AP1B1: variants seen among roughly 807,000 people sequenced by gnomAD.
AP1B1 encodes AP-1 complex subunit beta-1.
AP1B1 carries 36 observed loss-of-function variants against 104.3 expected under a neutral mutation model. The observed-to-expected ratio is 0.35, with a 90% CI of 0.26 to 0.46. The LOEUF is 0.46. AP1B1 is among the 20% of genes least tolerant of loss of function. The probability of loss-of-function intolerance (pLI) is 1.00; values close to 1 mark genes in which losing one functional copy is unlikely to be tolerated. For missense variants in AP1B1, 901 were observed against 1,247.9 expected (o/e 0.72, Z 4.19); for synonymous variants, 504 against 517.5 (o/e 0.97, Z 0.35).
chr22:29,375,905 A>T (rs745325287), intron 1 of AP1B1, among the ~76,000 whole-genome samples: 9 of 152,110 alleles, frequency 5.9e-5, no homozygotes, highest in Non-Finnish European at 7.4e-5. Flanking sequence ...CATCCTCACC[A>T]CGGCCCTTCA....
chr22:29,341,237 T>C (rs900737189), intron 13 of AP1B1, among the ~76,000 whole-genome samples: 2 of 152,240 alleles, frequency 1.3e-5, no homozygotes, highest in African/African-American at 4.8e-5. Flanking sequence ...CTGCTAGCTG[T>C]GAGATCCTGG....
Position 29,354,699 on chromosome 22 carries a change from C to G in AP1B1, c.889G>C (p.Glu297Gln). 2 of 1,614,098 alleles carry G rather than the reference C, an allele frequency of 1.2e-6. No homozygotes were observed. The highest frequency in any genetic ancestry group is 1.7e-6 in the Non-Finnish European group (2 of 1,180,038). Reference protein sequence around the residue: ...PLVTLLSAEPELQYVALRNIN... With the variant: ...PLVTLLSAEPQLQYVALRNIN... The stretch of plus-strand genomic sequence containing the variant: ...TTGCGCAGGGCCACATACTGCAGCT[C>G]TGGCTCGGCTGACAGCAGTGTGACC... Residue 297 changes from glutamate to glutamine, a missense_variant, in exon 7 of 23, where the codon GAG becomes CAG. This residue lies in a region of AP1B1 where 471 missense variants were observed against 696.7 expected (regional missense o/e 0.68). Coordinates refer to ENST00000357586, the MANE Select transcript of AP1B1 (RefSeq NM_001127.4).
intron 1 of AP1B1, among the ~76,000 whole-genome samples, chr22:29,385,607 C>T (rs1428245151): frequency 6.6e-6 from 1 of 152,144 alleles, no homozygotes; most frequent in Non-Finnish European, 1.5e-5. Context: ...TTAAGGATTC[C>T]CCAACTGCTC....
At chr22:29,375,869 C>T (rs2062332351) in intron 1 of AP1B1, among the ~76,000 whole-genome samples, 1 of 152,226 alleles carries the variant, frequency 6.6e-6, no homozygotes, top group South Asian at 2.1e-4. Flanking sequence ...TAGAGCCTGG[C>T]TCATTTCACT....
chr22:29,353,064 G>C (rs1304137425), intron 7 of AP1B1, among the ~76,000 whole-genome samples: 1 of 152,158 alleles, frequency 6.6e-6, no homozygotes, highest in African/African-American at 2.4e-5. Flanking sequence ...CTTCAGAGAG[G>C]GTGAGAGGCT....
At position 29,358,759 on chromosome 22, in the gene AP1B1, G is replaced by A; in HGVS notation, c.492C>T (p.Thr164=). ...QLVEDQGFLD[T]LKDLISDSNP... ...TAGAGTCGGAGATGAGGTCTTTAAG[G>A]GTGTCCAGGAAGCCCTGGTCCTCCA... Residue 164 remains threonine, a synonymous_variant, in exon 5 of 23, where the codon ACC becomes ACT. Transcript: ENST00000357586. The A allele has an allele frequency of 6.2e-7, 1 of 1,614,194 alleles. No homozygotes were observed. The highest frequency in any genetic ancestry group is 1.7e-5 in the Admixed American group (1 of 60,026).
At chr22:29,357,647 T>C (rs111665624) in intron 5 of AP1B1, among the ~76,000 whole-genome samples, 11 of 151,594 alleles carry the variant, frequency 7.3e-5, no homozygotes, top group Admixed American at 2.6e-4. Flanking sequence ...ATTACAGGCA[T>C]GTAATCCTGT....
At position 29,331,503 on chromosome 22, in the gene AP1B1, A is replaced by T. The variant is rs1368547368; in HGVS notation, c.2470T>A (p.Tyr824Asn). The change falls in exon 19 of 23, where the codon TAC becomes AAC. Residue 824 changes from tyrosine (Y) to asparagine (N), a missense_variant. Physicochemically the swap from Tyr to Asn is moderately radical, Grantham distance 143 (BLOSUM62 -2). Around this residue, in one of 3 missense-constraint regions of AP1B1, gnomAD observed 424 missense variants for 494.0 expected, o/e 0.86. Coordinates refer to ENST00000357586, the MANE Select transcript of AP1B1 (RefSeq NM_001127.4). ...TGCAGTGGGTACAAGGTGCTGAAGT[A>T]GAAGACATCGATGTTGTTCTTCACG... ...VAVKNNIDVF[Y>N]FSTLYPLHIL... 2 of 1,614,088 alleles carry T rather than the reference A, an allele frequency of 1.2e-6. No individual in the cohort carries two copies. Among genetic ancestry groups the T allele is most frequent in the Non-Finnish European group, 1.7e-6 (2 of 1,180,042 alleles).
Position 29,329,695 on chromosome 22 carries a change from G to A in AP1B1, c.2775+17C>T. The A allele has an allele frequency of 6.2e-7, 1 of 1,613,616 alleles. No individual in the cohort carries two copies. The highest frequency in any genetic ancestry group is 8.5e-7 in the Non-Finnish European group (1 of 1,179,724). On this transcript the variant is annotated intron_variant, in intron 22 of 22. Transcript: ENST00000357586. ...ACTGGGGAGGGCGGACGGGGAAAGA[G>A]AAAGCGATCTGCTAACCTCTAAGTC...
chr22:29,364,755 C>T (rs1275458128), intron 2 of AP1B1, among the ~76,000 whole-genome samples: 3 of 151,202 alleles, frequency 2.0e-5, no homozygotes, highest in African/African-American at 7.3e-5. Context: ...GTCACCCAGG[C>T]TGGAGTGCAG....
In AP1B1 at chr22:29,331,458, C is replaced by T. The variant is rs2061556239; in HGVS notation, c.2515G>A (p.Gly839Arg). 2 of 1,614,142 alleles carry T rather than the reference C, an allele frequency of 1.2e-6. No homozygotes were observed. The highest frequency in any genetic ancestry group is 1.7e-6 in the Non-Finnish European group (2 of 1,180,004). The stretch of plus-strand genomic sequence containing the variant: ...CTCCCTCATGACTCACCCATCTTCC[C>T]GTCCTCCACAAAGAGGATGTGCAGT... Reference protein sequence around the residue: ...YPLHILFVEDGKMDRQMFLAT... With the variant: ...YPLHILFVEDRKMDRQMFLAT... The change falls in exon 19 of 23, where the codon GGG (glycine) becomes AGG (arginine). Residue 839 changes from glycine (G) to arginine (R), a missense_variant. Gly to Arg is a moderately radical substitution (Grantham distance 125). Around this residue, in one of 3 missense-constraint regions of AP1B1, gnomAD observed 424 missense variants for 494.0 expected, o/e 0.86. Coordinates refer to ENST00000357586, the MANE Select transcript of AP1B1 (RefSeq NM_001127.4).
intron 1 of AP1B1, among the ~76,000 whole-genome samples, chr22:29,369,652 C>T (rs1015982132): frequency 3.0e-4 from 45 of 152,266 alleles, no homozygotes; most frequent in African/African-American, 1.0e-3. Flanking sequence ...TCACAGCTCC[C>T]GTTCGCCCTC....
intron 6 of AP1B1, among the ~76,000 whole-genome samples, chr22:29,356,191 C>G (rs4823033): frequency 0.83 from 126,985 of 152,284 alleles, 53,202 homozygotes; most frequent in East Asian, 0.97. Context: ...GGGCTTCTGC[C>G]AGCTCCAAGG....
chr22:29,349,080 C>G, intron 11 of AP1B1, 138 bp downstream of exon 11: 1 of 971,164 alleles, frequency 1.0e-6, no homozygotes, highest in Non-Finnish European at 1.5e-6. Flanking sequence ...GGGGCGGTGT[C>G]CATTACGCGC....
At position 29,362,959 on chromosome 22, in the gene AP1B1, G is replaced by A. The variant is rs761013953; in HGVS notation, c.143+42C>T. On this transcript the variant is annotated intron_variant, in intron 3 of 22. Coordinates refer to ENST00000357586, the MANE Select transcript of AP1B1 (RefSeq NM_001127.4). ...GGACCCAAGCTATAAACCCTCCCCT[G>A]TCAGCCAGCTTCTAGCTGCCACCAG... 5.4e-6 allele frequency: 8 copies of A among 1,470,584 alleles called. No individual in the cohort carries two copies. The East Asian group carries it at 1.4e-4, about 25-fold the overall frequency. 91.1% of individuals were successfully genotyped at this position (1,470,584 alleles called of 1,614,324 possible).
intron 6 of AP1B1, 25 bp from the exon 7 acceptor site, chr22:29,354,896 G>C: frequency 6.3e-7 from 1 of 1,593,732 alleles, no homozygotes; most frequent in Non-Finnish European, 8.6e-7. Flanking sequence ...TTCCAACGGG[G>C]CAAACAGGAA....
At position 29,339,005 on chromosome 22, in the gene AP1B1, A is replaced by G. The variant is rs2061675538; in HGVS notation, c.2148T>C (p.Tyr716=). 1 of 1,614,164 alleles carries G rather than the reference A, an allele frequency of 6.2e-7. No individual in the cohort carries two copies. Among genetic ancestry groups the G allele is most frequent in the Non-Finnish European group, 8.5e-7 (1 of 1,180,026 alleles). Residue 716 remains tyrosine (Y), a synonymous_variant, in exon 16 of 23, where the codon TAT becomes TAC. Coordinates refer to ENST00000357586, the MANE Select transcript of AP1B1 (RefSeq NM_001127.4). ...AGTGACTTACTGCTTTGGGGGCCAC[A>G]TATGATCCTGACAGGGTGCCCACGC... ...TSGVGTLSGS[Y]VAPKAVWLPA... is the part of the protein sequence containing the mutation.
In AP1B1 at chr22:29,328,522, C is replaced by T. The variant is rs999835139; in HGVS notation, c.*299G>A. 8.3e-6 allele frequency: 3 copies of T among 360,986 alleles called. No individual in the cohort carries two copies. Among genetic ancestry groups the T allele is most frequent in the African/African-American group, 6.3e-5 (3 of 47,780 alleles). The allele number at this position is 360,986 out of a possible 1,614,324, so 22.4% of individuals were successfully genotyped here. A position where few individuals can be genotyped will look rare whatever the true frequency, so the allele number is the denominator to read the frequency against. On this transcript the variant is annotated 3_prime_UTR_variant, in exon 23 of 23. Transcript: ENST00000357586. The surrounding 1 kb of genome is among the most constrained non-coding windows in gnomAD (Gnocchi z 4.1). Reference sequence around the variant, plus strand: ...AGGGGCAAGCTCCACACTCACCCTTCAGGCACAGCTTCTGTGGCTGCTCTG... The same window carrying T: ...AGGGGCAAGCTCCACACTCACCCTTTAGGCACAGCTTCTGTGGCTGCTCTG...
intron 17 of AP1B1, among the ~76,000 whole-genome samples, chr22:29,333,007 A>G (rs952491619): frequency 6.6e-6 from 1 of 152,250 alleles, no homozygotes; most frequent in African/African-American, 2.4e-5. Flanking sequence ...GGAAGCATTC[A>G]GCACACAGTA....
Sources: allele counts gnomAD v4.1 joint callset (sites outside exome capture counted in the v4.1 genomes callset), GRCh38; gene constraint gnomAD v4.1.1; regional missense constraint gnomAD v4.1.1; non-coding constraint Gnocchi (gnomAD v3.1); transcripts MANE v1.5; gene names NCBI Gene and HGNC (gene_info 2026-07-23, HGNC 2026-07-21).